The following IRF4 variants were observed in gnomAD, a reference collection of about 807,000 sequenced individuals.
IRF4 encodes the protein interferon regulatory factor 4.
Under a neutral mutation model 55.5 loss-of-function variants are expected in IRF4, and 13 were observed. The observed-to-expected ratio is 0.23, with a 90% CI of 0.15 to 0.37. The LOEUF (loss-of-function observed/expected upper bound fraction) is 0.37, where lower values mean the gene tolerates loss of function less well. IRF4 is among the 10% of genes least tolerant of loss of function. The probability of loss-of-function intolerance (pLI) is 1.00; values close to 1 mark genes in which losing one functional copy is unlikely to be tolerated. For synonymous variants in IRF4, 249 were observed against 240.7 expected, an observed-to-expected ratio of 1.03 and a Z score of -0.32; for missense variants, 397 against 593.8, an observed-to-expected ratio of 0.67 and a Z score of 3.44.
Position 410,310 on chromosome 6 carries a change from A to G in IRF4, c.*2712A>G, listed in dbSNP as rs907157683. The G allele has an allele frequency of 4.4e-6, 1 of 227,244 alleles. No homozygotes were observed. The highest frequency in any genetic ancestry group is 8.8e-6 in the Non-Finnish European group (1 of 114,088). 14.1% of individuals were successfully genotyped at this position (227,244 alleles called of 1,614,324 possible). On this transcript the variant is annotated 3_prime_UTR_variant, in exon 9 of 9. Coordinates refer to ENST00000380956, the MANE Select transcript of IRF4 (RefSeq NM_002460.4). The stretch of plus-strand genomic sequence containing the variant: ...TTAGGAAAACCTCAAGCAGTAATTA[A>G]TATCTCCTGGAACACTATAGAGAAC...
At position 397,224 on chromosome 6, in the gene IRF4, C is replaced by T; in HGVS notation, c.609C>T (p.His203=). 2 of 1,614,276 alleles carry T rather than the reference C, an allele frequency of 1.2e-6. No homozygotes were observed. Among genetic ancestry groups the T allele is most frequent in the East Asian group, 2.2e-5 (1 of 44,890 alleles). Residue 203 remains histidine, a synonymous_variant, in exon 5 of 9, where the codon CAC becomes CAT. Transcript: ENST00000380956. Reference sequence around the variant, plus strand: ...CCATGACGTTTGGACCCCGCGGCCACCACTGGCAAGGCCCAGCTTGTGAAA... The same window carrying T: ...CCATGACGTTTGGACCCCGCGGCCATCACTGGCAAGGCCCAGCTTGTGAAA... ...QCPMTFGPRG[H]HWQGPACENG...
At chr6:394,673 A>T in intron 2 of IRF4, 148 bp from the exon 3 acceptor site, 2 of 735,288 alleles carry the variant, frequency 2.7e-6, no homozygotes, top group South Asian at 1.8e-5. Flanking sequence ...GGAGGACCCT[A>T]GAACTCAGGA....
At chr6:397,389 G>A (rs1399163389) in intron 5 of IRF4, 137 bp downstream of exon 5, 1 of 1,043,198 alleles carries the variant, frequency 9.6e-7, no homozygotes, top group Non-Finnish European at 1.4e-6. Context: ...CTCGGGGAGA[G>A]GGGGGTTTTC....
In IRF4 at chr6:407,629, CTTT is replaced by C. The variant is rs566047868; in HGVS notation, c.*48_*50del. On this transcript the variant is annotated 3_prime_UTR_variant, in exon 9 of 9. Coordinates refer to ENST00000380956, the MANE Select transcript of IRF4 (RefSeq NM_002460.4). ...GTCAAGATGAGTGGTTTTCTTTTTC[CTTT>C]TTTTTTTTTTTTTTTTGATACGGGG... is the stretch of plus-strand genomic sequence containing the variant. The C allele has an allele frequency of 0.012, 14,857 of 1,242,206 alleles. 1 individual carries two copies. Among genetic ancestry groups the C allele is most frequent in the Admixed American group, 0.014 (511 of 37,188 alleles). 76.9% of individuals were successfully genotyped at this position (1,242,206 alleles called of 1,614,324 possible).
chr6:408,968 C>CCTAT lies in IRF4; in HGVS notation c.*1372_*1375dup, dbSNP rs1383083813. Reference sequence around the variant, plus strand: ...AAAGACCTCCACTTGCTTAAGTATACCTATCACTTACATTTTTGTGGTTTT... The same window carrying CCTAT: ...AAAGACCTCCACTTGCTTAAGTATACCTATCTATCACTTACATTTTTGTGGTTTT... On this transcript the variant is annotated 3_prime_UTR_variant, in exon 9 of 9. Coordinates refer to ENST00000380956, the MANE Select transcript of IRF4 (RefSeq NM_002460.4). 4 of 227,398 alleles carry CCTAT rather than the reference C, an allele frequency of 1.8e-5. No homozygotes were observed. The highest frequency in any genetic ancestry group is 8.9e-5 in the African/African-American group (4 of 44,968). 14.1% of individuals were successfully genotyped at this position (227,398 alleles called of 1,614,324 possible).
At chr6:396,026 A>G (rs1322077669) in intron 4 of IRF4, 91 bp downstream of exon 4, 1 of 1,018,068 alleles carries the variant, frequency 9.8e-7, no homozygotes, top group African/African-American at 1.6e-5. Context: ...CAGACAGCAG[A>G]ACTTGCCATT....
In IRF4 at chr6:407,651, T is replaced by TA; in HGVS notation, c.*54dup. ...TTCCTTTTTTTTTTTTTTTTTTTGA[T>TA]ACGGGGATACGGGGTCTTGCTCTGT... On this transcript the variant is annotated 3_prime_UTR_variant, in exon 9 of 9. Transcript: ENST00000380956. 2.2e-6 allele frequency: 3 copies of TA among 1,344,020 alleles called. No homozygotes were observed. The highest frequency in any genetic ancestry group is 3.1e-6 in the Non-Finnish European group (3 of 983,396). 83.3% of individuals were successfully genotyped at this position (1,344,020 alleles called of 1,614,324 possible). A position where few individuals can be genotyped will look rare whatever the true frequency, so the allele number is the denominator to read the frequency against.
rs1210576093 is a variant in IRF4 at position 401,642 on chromosome 6, G to C, written c.964G>C (p.Asp322His). The C allele has an allele frequency of 6.2e-7, 1 of 1,614,228 alleles. No individual in the cohort carries two copies. Among genetic ancestry groups the C allele is most frequent in the Non-Finnish European group, 8.5e-7 (1 of 1,180,046 alleles). Residue 322 changes from aspartate to histidine, a missense_variant, in exon 7 of 9, where the codon GAC (aspartate) becomes CAC (histidine). This residue lies in a region of IRF4 where 341 missense variants were observed against 548.1 expected (regional missense o/e 0.62). Coordinates refer to ENST00000380956, the MANE Select transcript of IRF4 (RefSeq NM_002460.4). ...GGGCGTGGTCCTCTGGATGGCCCCCGACGGGCTCTATGCGAAAAGACTGTG... is the reference window on the plus strand; with the variant it reads ...GGGCGTGGTCCTCTGGATGGCCCCCCACGGGCTCTATGCGAAAAGACTGTG... ...ERGVVLWMAPDGLYAKRLCQS... is the reference protein window; with the variant it reads ...ERGVVLWMAPHGLYAKRLCQS...
Position 410,217 on chromosome 6 carries a change from T to G in IRF4, c.*2619T>G, listed in dbSNP as rs1761662751. ...ACTTGTTAAAGAGCACTGGGTCATA[T>G]GGAAAAAATGTATGTGTCTCCCAGG... On this transcript the variant is annotated 3_prime_UTR_variant, in exon 9 of 9. Coordinates refer to ENST00000380956, the MANE Select transcript of IRF4 (RefSeq NM_002460.4). The G allele has an allele frequency of 4.4e-6, 1 of 229,222 alleles. No individual in the cohort carries two copies. The highest frequency in any genetic ancestry group is 6.2e-5 in the East Asian group (1 of 16,202). 14.2% of individuals were successfully genotyped at this position (229,222 alleles called of 1,614,324 possible).
At chr6:398,961 G>T in intron 6 of IRF4, 26 bp downstream of exon 6, 2 of 1,515,060 alleles carry the variant, frequency 1.3e-6, no homozygotes, top group Non-Finnish European at 1.8e-6. Flanking sequence ...GCTCCTGGAG[G>T]CACCGCAGGA....
intron 6 of IRF4, among the ~76,000 whole-genome samples, chr6:400,815 C>CAT (rs1491011281): frequency 7.1e-6 from 1 of 140,836 alleles, no homozygotes; most frequent in African/African-American, 2.6e-5. Flanking sequence ...CACACACACA[C>CAT]ATTTGCTTTT....
At chr6:403,264 AC>A (rs35275558) in intron 7 of IRF4, among the ~76,000 whole-genome samples, 5 of 150,214 alleles carry the variant, frequency 3.3e-5, no homozygotes, top group African/African-American at 9.8e-5. Context: ...AACTGGGGGG[AC>A]CCCCCCTCCC....
In IRF4 at chr6:407,633, T is replaced by A; in HGVS notation, c.*35T>A. 8.1e-7 allele frequency: 1 copy of A among 1,236,780 alleles called. No individual in the cohort carries two copies. Among genetic ancestry groups the A allele is most frequent in the Non-Finnish European group, 1.1e-6 (1 of 918,498 alleles). The allele number at this position is 1,236,780 out of a possible 1,614,324, so 76.6% of individuals were successfully genotyped here. ...AGATGAGTGGTTTTCTTTTTCCTTTTTTTTTTTTTTTTTTTGATACGGGGA... is the reference window on the plus strand; with the variant it reads ...AGATGAGTGGTTTTCTTTTTCCTTTATTTTTTTTTTTTTTTGATACGGGGA... On this transcript the variant is annotated 3_prime_UTR_variant, in exon 9 of 9. Coordinates refer to ENST00000380956, the MANE Select transcript of IRF4 (RefSeq NM_002460.4).
chr6:406,575 C>G (rs1319604161), intron 8 of IRF4, among the ~76,000 whole-genome samples: 3 of 151,908 alleles, frequency 2.0e-5, no homozygotes, highest in Non-Finnish European at 4.4e-5. Context: ...TGATGATCAG[C>G]TCAGCTATCA....
chr6:406,052 C>T (rs1189909215), intron 8 of IRF4, among the ~76,000 whole-genome samples: 3 of 152,134 alleles, frequency 2.0e-5, no homozygotes, highest in African/African-American at 7.2e-5. Flanking sequence ...AACATACAAC[C>T]CCCCTTCTTG....
chr6:399,074 C>A, intron 6 of IRF4, 139 bp downstream of exon 6: 2 of 503,416 alleles, frequency 4.0e-6, no homozygotes, highest in Non-Finnish European at 7.1e-6. Context: ...TAGACACATC[C>A]TGTGTGTGAG....
intron 5 of IRF4, 115 bp downstream of exon 5, chr6:397,367 C>A: frequency 7.8e-7 from 1 of 1,276,876 alleles, no homozygotes; most frequent in Non-Finnish European, 1.1e-6. Flanking sequence ...TTCTTAGAGG[C>A]TGCGTGTGCA....
chr6:410,438 G>A lies in IRF4; in HGVS notation c.*2840G>A, dbSNP rs925059631. ...ACAGAAAACCCAGCTAGACTATTGG[G>A]TATGAACTAAAAAGAGACTGTGCCA... On this transcript the variant is annotated 3_prime_UTR_variant, in exon 9 of 9. Transcript: ENST00000380956. 6.1e-5 allele frequency: 14 copies of A among 229,238 alleles called. No homozygotes were observed. Among genetic ancestry groups the A allele is most frequent in the Admixed American group, 1.1e-4 (2 of 17,630 alleles). The allele number at this position is 229,238 out of a possible 1,614,324, so 14.2% of individuals were successfully genotyped here. A position where few individuals can be genotyped will look rare whatever the true frequency, so the allele number is the denominator to read the frequency against.
rs564941413 is a variant in IRF4 at position 393,166 on chromosome 6, G to A, written c.14G>A (p.Gly5Asp). ...GGCACGCGGGGCATGAACCTGGAGG[G>A]CGGCGGCCGAGGCGGAGAGTTCGGC... The part of the protein sequence containing the change: MNLE[G>D]GGRGGEFGMS... The change falls in exon 2 of 9, where the codon GGC (glycine) becomes GAC (aspartate). Residue 5 changes from glycine to aspartate, a missense_variant. Around this residue, in one of 3 missense-constraint regions of IRF4, gnomAD observed 34 missense variants for 29.4 expected, o/e 1.16. Coordinates refer to ENST00000380956, the MANE Select transcript of IRF4 (RefSeq NM_002460.4). This position sits in a 1 kb window ranked among gnomAD's most constrained non-coding sequence, Gnocchi z 5.4. The A allele has an allele frequency of 1.9e-6, 3 of 1,550,722 alleles. No individual in the cohort carries two copies. The highest frequency in any genetic ancestry group is 1.8e-4 in the Middle Eastern group (1 of 5,616).
Sources: gnomAD v4.1 joint callset for allele counts (sites outside exome capture counted in the v4.1 genomes callset) on GRCh38, gnomAD v4.1.1 for gene constraint, gnomAD v4.1.1 regional missense constraint, Gnocchi (gnomAD v3.1) non-coding constraint, MANE v1.5 for transcripts, NCBI Gene and HGNC (gene_info 2026-07-23, HGNC 2026-07-21) for gene names.